The following TTLL9 variants were observed in gnomAD, a reference collection of about 807,000 sequenced individuals.
TTLL9 encodes probable tubulin polyglutamylase TTLL9.
In TTLL9, 47 loss-of-function variants were observed where a neutral mutation model predicts 65.6. The ratio of observed to expected loss-of-function variants is 0.72; its 90% CI spans 0.57 to 0.91. The LOEUF is 0.91. TTLL9 is among the 40% of genes least tolerant of loss of function. The pLI is 0.00. For missense variants in TTLL9, 537 were observed against 568.8 expected (o/e 0.94, Z 0.57); for synonymous variants, 179 against 204.8 (o/e 0.87, Z 1.07).
intron 3 of TTLL9, among the ~76,000 whole-genome samples, chr20:31,887,568 T>C (rs1437804217): frequency 1.3e-5 from 2 of 152,182 alleles, no homozygotes; most frequent in Non-Finnish European, 2.9e-5. Context: ...CTAGTTGGAC[T>C]CCAGGGCCCA....
intron 4 of TTLL9, among the ~76,000 whole-genome samples, chr20:31,902,584 A>G (rs540594177): frequency 6.6e-6 from 1 of 152,238 alleles, no homozygotes; most frequent in African/African-American, 2.4e-5. Context: ...TTATCTGCTC[A>G]TTAATTGATA....
In TTLL9 at chr20:31,870,986, G is replaced by A; in HGVS notation, c.-6+37G>A. The A allele has an allele frequency of 6.2e-6, 5 of 802,006 alleles. No individual in the cohort carries two copies. 49.7% of individuals were successfully genotyped at this position (802,006 alleles called of 1,614,324 possible). The stretch of plus-strand genomic sequence containing the variant: ...CTTCCGATACATCCTCTCCACCCGT[G>A]CAGAGACACCCTACCAACCAGCCTT... On this transcript the variant is annotated intron_variant, in intron 1 of 14. Transcript: ENST00000535842. This position sits in a 1 kb window ranked among gnomAD's most constrained non-coding sequence, Gnocchi z 6.6.
At chr20:31,918,391 A>G (rs2063769369) in intron 6 of TTLL9, among the ~76,000 whole-genome samples, 1 of 151,106 alleles carries the variant, frequency 6.6e-6, no homozygotes, top group South Asian at 2.1e-4. Context: ...TTTTTTTTTT[A>G]ACAGACAGAG....
At chr20:31,873,848 G>A (rs573918288) in intron 2 of TTLL9, among the ~76,000 whole-genome samples, 36 of 148,126 alleles carry the variant, frequency 2.4e-4, no homozygotes, top group African/African-American at 9.1e-4. Context: ...AAGAAAGAAA[G>A]AAAGAAAGAA....
At chr20:31,932,315 T>TA (rs2064029459) in intron 10 of TTLL9, among the ~76,000 whole-genome samples, 1 of 151,670 alleles carries the variant, frequency 6.6e-6, no homozygotes, top group African/African-American at 2.4e-5. Flanking sequence ...CTACTAAAAA[T>TA]ACAAAAACTA....
intron 3 of TTLL9, among the ~76,000 whole-genome samples, chr20:31,895,218 A>G (rs569621563): frequency 2.8e-4 from 42 of 152,140 alleles, no homozygotes; most frequent in Non-Finnish European, 5.9e-4. Context: ...TTTCAAAAGA[A>G]AGTTCATTGG....
intron 10 of TTLL9, among the ~76,000 whole-genome samples, chr20:31,931,027 C>A (rs930852299): frequency 6.6e-6 from 1 of 150,930 alleles, no homozygotes. Flanking sequence ...CTGAAGAGAG[C>A]TATTTCCCCT....
intron 4 of TTLL9, chr20:31,901,471 G>C (rs756161274): frequency 6.6e-6 from 1 of 152,210 alleles, no homozygotes. Context: ...GGTGATTTAA[G>C]AGCAACTTGA....
chr20:31,936,142 T>C (rs773106657), intron 12 of TTLL9, among the ~76,000 whole-genome samples: 2 of 152,226 alleles, frequency 1.3e-5, no homozygotes, highest in Non-Finnish European at 2.9e-5. Flanking sequence ...GGCCCCAGCT[T>C]TCTGTCTGTA....
chr20:31,905,803 G>T (rs1019239218), intron 4 of TTLL9, among the ~76,000 whole-genome samples: 2 of 152,132 alleles, frequency 1.3e-5, no homozygotes, highest in East Asian at 3.9e-4. Flanking sequence ...GGAGGCCAAG[G>T]CAGGCGGATC....
chr20:31,937,531 CACATGTCCTTGT>C, intron 13 of TTLL9, 22 bp downstream of exon 13: 1 of 1,584,278 alleles, frequency 6.3e-7, no homozygotes, highest in Non-Finnish European at 8.7e-7. Flanking sequence ...CAGCCTTGAT[CACATGTCCTTGT>C]ACATGACAAC....
At chr20:31,942,923 C>T (rs377341064) in intron 14 of TTLL9, 22 bp from the exon 15 acceptor site, 4 of 1,613,650 alleles carry the variant, frequency 2.5e-6, no homozygotes, top group African/African-American at 2.7e-5. Context: ...TCATCCCAGC[C>T]AACACCCCAC....
intron 2 of TTLL9, among the ~76,000 whole-genome samples, chr20:31,885,682 G>A (rs2063179053): frequency 6.6e-6 from 1 of 152,180 alleles, no homozygotes; most frequent in East Asian, 1.9e-4. Flanking sequence ...TTGAGGGGTA[G>A]GCTGGTGTGC....
Position 31,879,312 on chromosome 20 carries a change from C to T in TTLL9, c.70-7884C>T, listed in dbSNP as rs1600515715. ...CTCCAACCTGGGCGACACAGCGAGA[C>T]TCCGTCTCAAACAAACAAACAAAAA... On this transcript the variant is annotated intron_variant, in intron 2 of 14. Transcript: ENST00000535842. 1.3e-5 allele frequency among the ~76,000 whole-genome samples: 2 copies of T among 152,258 alleles called. 1 individual carries two copies. The highest frequency in any genetic ancestry group is 4.2e-4 in the South Asian group (2 of 4,816).
intron 2 of TTLL9, among the ~76,000 whole-genome samples, chr20:31,879,387 C>T (rs552927449): frequency 4.6e-5 from 7 of 152,334 alleles, no homozygotes. Flanking sequence ...AGATGGACAA[C>T]ATCTAATGTT....
chr20:31,924,965 G>A lies in TTLL9; in HGVS notation c.665-44G>A, dbSNP rs770664554. 7 of 1,609,812 alleles carry A rather than the reference G, an allele frequency of 4.3e-6. No homozygotes were observed. In the Admixed American group the frequency reaches 6.7e-5, roughly 15 times the overall value. On this transcript the variant is annotated intron_variant, in intron 8 of 14. Transcript: ENST00000535842. ...CCCAAAACCTAGCACAATGTCTGAC[G>A]ATCAATATTTGTTGCACAAATTAAT... is the stretch of plus-strand genomic sequence containing the variant.
chr20:31,935,209 G>GT (rs1234862233), intron 12 of TTLL9, among the ~76,000 whole-genome samples: 1 of 152,168 alleles, frequency 6.6e-6, no homozygotes, highest in Non-Finnish European at 1.5e-5. Flanking sequence ...CTTCCCCTCT[G>GT]TAAGTCTTGG....
intron 14 of TTLL9, 82 bp from the exon 15 acceptor site, chr20:31,942,863 T>A: frequency 1.4e-6 from 2 of 1,396,602 alleles, no homozygotes; most frequent in Non-Finnish European, 2.0e-6. Context: ...TGTCCCCTCT[T>A]CCCAGCAGGG....
chr20:31,903,815 T>C (rs2063511795), intron 4 of TTLL9, among the ~76,000 whole-genome samples: 1 of 152,252 alleles, frequency 6.6e-6, no homozygotes, highest in African/African-American at 2.4e-5. Context: ...AGTACATTTG[T>C]CAAAGTCAGG....
Sources: allele counts gnomAD v4.1 joint callset (sites outside exome capture counted in the v4.1 genomes callset), GRCh38; gene constraint gnomAD v4.1.1; non-coding constraint Gnocchi (gnomAD v3.1); transcripts MANE v1.5; gene names NCBI Gene and HGNC (gene_info 2026-07-23, HGNC 2026-07-21).